CLUAP1: variants seen among roughly 807,000 people sequenced by gnomAD.
CLUAP1 encodes the protein intraflagellar transport 38, also known as clusterin-associated protein 1.
In CLUAP1, 50 loss-of-function variants were observed where a neutral mutation model predicts 55.0. The ratio of observed to expected loss-of-function variants is 0.91; its 90% CI spans 0.72 to 1.15. CLUAP1 has a LOEUF of 1.15. Ranked by LOEUF, CLUAP1 falls within the 50% of genes most tolerant of loss-of-function variation. The pLI, the probability that CLUAP1 is intolerant of heterozygous loss-of-function variation, is 0.00. For missense variants in CLUAP1, 530 were observed against 507.6 expected (o/e 1.04, Z -0.42); for synonymous variants, 195 against 175.4 (o/e 1.11, Z -0.88).
rs573702778 is a variant in CLUAP1, at chr16:3,521,900, A to T, written c.714-1258A>T. Among the ~76,000 whole-genome samples, 629 of 152,094 alleles carry T rather than the reference A, an allele frequency of 4.1e-3. 3 individuals carry two copies. The highest frequency in any genetic ancestry group is 0.013 in the African/African-American group (560 of 41,502). On this transcript the variant is annotated intron_variant, in intron 7 of 11. Coordinates refer to ENST00000576634, the MANE Select transcript of CLUAP1 (RefSeq NM_015041.3). ...CGAAACCCCATCTCTACAAAAAAAAAATATAAAAAATAGCTGGGCATAGTG... is the reference window on the plus strand; with the variant it reads ...CGAAACCCCATCTCTACAAAAAAAATATATAAAAAATAGCTGGGCATAGTG...
chr16:3,530,616 G>A lies in CLUAP1; in HGVS notation c.977G>A (p.Ser326Asn). The A allele has an allele frequency of 6.2e-7, 1 of 1,614,088 alleles. No individual in the cohort carries two copies. The highest frequency in any genetic ancestry group is 8.5e-7 in the Non-Finnish European group (1 of 1,180,008). The change falls in exon 10 of 12, where the codon AGT becomes AAT. Residue 326 changes from serine (S) to asparagine (N), a missense_variant. Physicochemically the swap from Ser to Asn is conservative, Grantham distance 46 (BLOSUM62 1). Transcript: ENST00000576634. ...IDIQEDDESDSELEERRLPKP... is the reference protein window; with the variant it reads ...IDIQEDDESDNELEERRLPKP... ...ATCCAGGAGGACGATGAATCCGACA[G>A]TGAGTTGGAAGAAAGGCGGCTGCCC...
At chr16:3,504,687 G>A (rs1567421555) in intron 1 of CLUAP1, 33 bp from the exon 2 acceptor site, 8 of 1,183,744 alleles carry the variant, frequency 6.8e-6, no homozygotes, top group Non-Finnish European at 8.9e-6. Flanking sequence ...TGTGTGATGG[G>A]GAACTGAATG....
Position 3,504,839 on chromosome 16 carries a change from C to G in CLUAP1, c.134+8C>G. On this transcript the variant is annotated splice_region_variant and intron_variant, in intron 2 of 11. Transcript: ENST00000576634. Reference sequence around the variant, plus strand: ...TCTCTGGCTTGTGAAAAGGTTCGAACGGCACTTTATTGACATCTAAGAGTG... The same window carrying G: ...TCTCTGGCTTGTGAAAAGGTTCGAAGGGCACTTTATTGACATCTAAGAGTG... 6.7e-7 allele frequency: 1 copy of G among 1,484,750 alleles called. No homozygotes were observed. The highest frequency in any genetic ancestry group is 1.4e-5 in the African/African-American group (1 of 72,178). 92.0% of individuals were successfully genotyped at this position (1,484,750 alleles called of 1,614,324 possible).
upstream of CLUAP1, chr16:3,496,527 C>T (rs1200461949): frequency 3.6e-6 from 2 of 562,380 alleles, no homozygotes; most frequent in East Asian, 4.7e-5. Context: ...CGTGACCAGC[C>T]GGCCCACAGC....
intron 7 of CLUAP1, among the ~76,000 whole-genome samples, chr16:3,520,968 C>CCTACCT (rs2037821546): frequency 6.6e-6 from 1 of 152,118 alleles, no homozygotes; most frequent in Non-Finnish European, 1.5e-5. Context: ...TTCCCAGCTG[C>CCTACCT]CTACTCTGCT....
In CLUAP1 at chr16:3,529,628, A is replaced by AT. The variant is rs57920911; in HGVS notation, c.929-939dup. Among the ~76,000 whole-genome samples the AT allele has an allele frequency of 1.2e-3, 19 of 16,026 alleles. 6 individuals are homozygous for AT. The highest frequency in any genetic ancestry group is 1.4e-3 in the Non-Finnish European group (15 of 10,938). 10.5% of individuals were successfully genotyped at this position (16,026 alleles called of 152,430 possible). A position where few individuals can be genotyped will look rare whatever the true frequency, so the allele number is the denominator to read the frequency against. The stretch of plus-strand genomic sequence containing the variant: ...TATATATTATATAATATTATATATT[A>AT]TATATTATTATATATTATATATTAT... On this transcript the variant is annotated intron_variant, in intron 9 of 11. Transcript: ENST00000576634.
At chr16:3,496,236 G>A (rs972441015), upstream of CLUAP1, 1 of 628,450 alleles carries the variant, frequency 1.6e-6, no homozygotes, top group African/African-American at 1.8e-5. Flanking sequence ...AGGACCTAAA[G>A]GTTCGGCGCA....
chr16:3,532,403 CTTTTTTTTTTTTT>C (rs58037008), intron 10 of CLUAP1, among the ~76,000 whole-genome samples: 8 of 50,728 alleles, frequency 1.6e-4, no homozygotes, highest in South Asian at 8.9e-4. Context: ...AGCACAGTTG[CTTTTTTTTTTTTT>C]TTTTTTTTTT....
chr16:3,538,853 G>A lies in CLUAP1; in HGVS notation c.*2582G>A, dbSNP rs2038289010. On this transcript the variant is annotated 3_prime_UTR_variant, in exon 12 of 12. Transcript: ENST00000576634. ...GGATTCACATGTGCAAGTGCTTTGT[G>A]ACCTGGCACCATTTGGTTTTGGCCA... is the stretch of plus-strand genomic sequence containing the variant. The A allele has an allele frequency of 6.6e-6, 1 of 152,158 alleles. No individual in the cohort carries two copies. The highest frequency in any genetic ancestry group is 2.4e-5 in the African/African-American group (1 of 41,422). 9.4% of individuals were successfully genotyped at this position (152,158 alleles called of 1,614,324 possible). A position where few individuals can be genotyped will look rare whatever the true frequency, so the allele number is the denominator to read the frequency against.
At chr16:3,498,896 C>A (rs60802142), upstream of CLUAP1, among the ~76,000 whole-genome samples, 6,964 of 151,056 alleles carry the variant, frequency 0.046, 311 homozygotes, top group African/African-American at 0.11. Flanking sequence ...ACAACAACAA[C>A]AAAAAAAAGT....
intron 1 of CLUAP1, 115 bp downstream of exon 1, chr16:3,501,204 C>CGG: frequency 9.1e-7 from 1 of 1,101,542 alleles, no homozygotes; most frequent in Non-Finnish European, 1.3e-6. Flanking sequence ...AGGCTCCTTT[C>CGG]GGGCCTCTGC....
At chr16:3,533,567 G>A (rs1212916304) in intron 11 of CLUAP1, 3 of 189,984 alleles carry the variant, frequency 1.6e-5, no homozygotes, top group Non-Finnish European at 3.4e-5. Context: ...ACTCCCTGGA[G>A]CACTTAAGCA....
chr16:3,529,674 ATATT>A (rs2038051661), intron 9 of CLUAP1, among the ~76,000 whole-genome samples: 2 of 16,798 alleles, frequency 1.2e-4, no homozygotes, highest in African/African-American at 9.1e-4. Context: ...ATATTATTAT[ATATT>A]ATATATTATT....
At chr16:3,515,311 G>A in intron 5 of CLUAP1, 197 bp from the exon 6 acceptor site, 1 of 463,380 alleles carries the variant, frequency 2.2e-6, no homozygotes, top group Non-Finnish European at 3.7e-6. Flanking sequence ...AGGACCTTGA[G>A]CTCTGGAGAG....
intron 8 of CLUAP1, among the ~76,000 whole-genome samples, chr16:3,525,013 C>T (rs958207306): frequency 6.6e-5 from 10 of 152,152 alleles, no homozygotes; most frequent in Admixed American, 1.3e-4. Context: ...CAATACTGAG[C>T]ATTTGAGTTT....
chr16:3,529,793 ATT>A (rs2038068431), intron 9 of CLUAP1, among the ~76,000 whole-genome samples: 3 of 61,998 alleles, frequency 4.8e-5, no homozygotes, highest in African/African-American at 1.4e-4. Flanking sequence ...TATAATATAT[ATT>A]ATATTATTAT....
At chr16:3,505,948 T>A (rs1353896654) in intron 2 of CLUAP1, among the ~76,000 whole-genome samples, 1 of 152,200 alleles carries the variant, frequency 6.6e-6, no homozygotes, top group Non-Finnish European at 1.5e-5. Flanking sequence ...TGACCCCTGG[T>A]TTCAATACCT....
chr16:3,523,793 C>G (rs956584502), intron 8 of CLUAP1, among the ~76,000 whole-genome samples: 2 of 152,018 alleles, frequency 1.3e-5, no homozygotes, highest in Admixed American at 1.3e-4. Context: ...GGTGAAACCC[C>G]TCCTCTCATA....
rs1250622847 is a variant in CLUAP1 at position 3,537,231 on chromosome 16, T to C, written c.*960T>C. On this transcript the variant is annotated 3_prime_UTR_variant, in exon 12 of 12. Transcript: ENST00000576634. Reference sequence around the variant, plus strand: ...GGAAGGAGCCAATTAAGAAAAAGTGTTGGTACAGATTCATGTTTCTGATTT... The same window carrying C: ...GGAAGGAGCCAATTAAGAAAAAGTGCTGGTACAGATTCATGTTTCTGATTT... The C allele has an allele frequency of 6.6e-6, 1 of 152,212 alleles. No individual in the cohort carries two copies. Among genetic ancestry groups the C allele is most frequent in the Non-Finnish European group, 1.5e-5 (1 of 68,040 alleles). The allele number at this position is 152,212 out of a possible 1,614,324, so 9.4% of individuals were successfully genotyped here.
Sources: allele counts gnomAD v4.1 joint callset (sites outside exome capture counted in the v4.1 genomes callset), GRCh38; gene constraint gnomAD v4.1.1; transcripts MANE v1.5; gene names NCBI Gene and HGNC (gene_info 2026-07-23, HGNC 2026-07-21).